The following TMX3 variants were observed in gnomAD, a reference collection of about 807,000 sequenced individuals.
TMX3 encodes the protein protein disulfide-isomerase TMX3.
A neutral mutation model predicts 64.4 loss-of-function variants in TMX3; 40 were observed. The observed-to-expected ratio is 0.62, with a 90% confidence interval of 0.48 to 0.81. The LOEUF (loss-of-function observed/expected upper bound fraction) is 0.81, where lower values mean the gene tolerates loss of function less well. TMX3 is among the 30% of genes least tolerant of loss of function. TMX3 has a pLI of 0.00. For missense variants in TMX3, 497 were observed against 534.5 expected, an observed-to-expected ratio of 0.93 and a Z score of 0.69; for synonymous variants, 189 against 175.7, an observed-to-expected ratio of 1.08 and a Z score of -0.60.
At position 68,691,169 on chromosome 18, in the gene TMX3, TTC is replaced by T. The variant is rs1396884726; in HGVS notation, c.637+124_637+125del. The stretch of plus-strand genomic sequence containing the variant: ...GAAAAAAAACCCAAAACATCAGGCA[TTC>T]AAGTCATGAGAACTGTTATTCTCAT... On this transcript the variant is annotated intron_variant, in intron 9 of 15. Coordinates refer to ENST00000299608, the MANE Select transcript of TMX3 (RefSeq NM_019022.5). 21 of 536,554 alleles carry T rather than the reference TTC, an allele frequency of 3.9e-5. No individual in the cohort carries two copies. The African/African-American group carries it at 3.9e-4, about 10-fold the overall frequency. The allele number at this position is 536,554 out of a possible 1,614,324, so 33.2% of individuals were successfully genotyped here. A position where few individuals can be genotyped will look rare whatever the true frequency, so the allele number is the denominator to read the frequency against.
intron 12 of TMX3, among the ~76,000 whole-genome samples, chr18:68,683,987 G>A (rs1375138243): frequency 6.6e-6 from 1 of 152,074 alleles, no homozygotes; most frequent in Non-Finnish European, 1.5e-5. Flanking sequence ...TATAGTATAT[G>A]TAGCATTCCA....
chr18:68,702,083 G>A (rs1435858295), intron 4 of TMX3, among the ~76,000 whole-genome samples: 2 of 141,350 alleles, frequency 1.4e-5, no homozygotes, highest in African/African-American at 2.8e-5. Context: ...AAGATATACT[G>A]GTAAAAAAAA....
chr18:68,711,316 T>G (rs371649355), intron 3 of TMX3, 48 bp downstream of exon 3: 3 of 1,454,304 alleles, frequency 2.1e-6, no homozygotes, highest in Non-Finnish European at 2.8e-6. Flanking sequence ...AAAATAATAC[T>G]TAAAATGGTA....
chr18:68,700,867 A>G (rs1332720348), intron 5 of TMX3: 1 of 978,692 alleles, frequency 1.0e-6, no homozygotes, highest in Non-Finnish European at 1.2e-6. Flanking sequence ...ATTTTAGAAG[A>G]GGCAAAACAA....
At chr18:68,687,039 T>A in intron 10 of TMX3, 1 of 982,424 alleles carries the variant, frequency 1.0e-6, no homozygotes, top group South Asian at 4.7e-5. Context: ...TATACTTCCA[T>A]CCTACTTATC....
chr18:68,695,852 C>G (rs999878313), intron 8 of TMX3, among the ~76,000 whole-genome samples: 13 of 152,310 alleles, frequency 8.5e-5, no homozygotes, highest in African/African-American at 3.1e-4. Context: ...CAACTTCAAC[C>G]TCATCACATG....
intron 8 of TMX3, among the ~76,000 whole-genome samples, chr18:68,694,520 G>T (rs1332833794): frequency 1.3e-5 from 2 of 152,070 alleles, no homozygotes; most frequent in Non-Finnish European, 2.9e-5. Context: ...TCCATGCCTC[G>T]CTCGTCCTTG....
At chr18:68,702,833 C>A (rs887094925) in intron 4 of TMX3, among the ~76,000 whole-genome samples, 1 of 152,150 alleles carries the variant, frequency 6.6e-6, no homozygotes, top group African/African-American at 2.4e-5. Context: ...TAAGGGCAGT[C>A]GATTTGTGAA....
At position 68,701,801 on chromosome 18, in the gene TMX3, A is replaced by G. The variant is rs144607837; in HGVS notation, c.266-11T>C. 19 of 1,609,100 alleles carry G rather than the reference A, an allele frequency of 1.2e-5. No individual in the cohort carries two copies. The African/African-American group carries it at 2.5e-4, about 22-fold the overall frequency. On this transcript the variant is annotated splice_polypyrimidine_tract_variant and intron_variant, in intron 4 of 15. Transcript: ENST00000299608. ...ACTCTGAAGCAATGCCTTGATAAGA[A>G]AAAGAATAAAGCATTCTAAATTTTT... is the stretch of plus-strand genomic sequence containing the variant.
chr18:68,683,092 T>C, intron 12 of TMX3, 111 bp from the exon 13 acceptor site: 1 of 967,556 alleles, frequency 1.0e-6, no homozygotes, highest in Non-Finnish European at 1.6e-6. Flanking sequence ...GAAGTTAAAT[T>C]CAGGCCTCAG....
rs1280900418 is a variant in TMX3, at chr18:68,676,964, G to A, written c.1334C>T (p.Pro445Leu). 6.2e-7 allele frequency: 1 copy of A among 1,613,254 alleles called. No homozygotes were observed. The highest frequency in any genetic ancestry group is 1.1e-5 in the South Asian group (1 of 91,010). Residue 445 changes from proline (P) to leucine (L), a missense_variant, in exon 16 of 16, where the codon CCC becomes CTC. This residue lies in a region of TMX3 where 94 missense variants were observed against 75.8 expected (regional missense o/e 1.24). Transcript: ENST00000299608. Reference sequence around the variant, plus strand: ...TTTCTTCTTTTCTAATACATCCTTGGGCTCCTGCACTGTAGGCACTACAGA... The same window carrying A: ...TTTCTTCTTTTCTAATACATCCTTGAGCTCCTGCACTGTAGGCACTACAGA... ...GGSVVPTVQE[P>L]KDVLEKKKD is the part of the protein sequence containing the mutation.
At chr18:68,695,117 T>C (rs1030818238) in intron 8 of TMX3, among the ~76,000 whole-genome samples, 3 of 152,182 alleles carry the variant, frequency 2.0e-5, no homozygotes, top group African/African-American at 7.2e-5. Context: ...TCAGTGTCTC[T>C]CAAACACCAA....
intron 8 of TMX3, 67 bp downstream of exon 8, chr18:68,697,154 ATTTAG>A (rs1196730552): frequency 6.3e-6 from 5 of 792,428 alleles, no homozygotes; most frequent in African/African-American, 3.5e-5. Flanking sequence ...TAAAATCACA[ATTTAG>A]TTTATTAAAT....
rs370746164 is a variant in TMX3 at position 68,677,016 on chromosome 18, C to T, written c.1282G>A (p.Glu428Lys). 2 of 1,613,832 alleles carry T rather than the reference C, an allele frequency of 1.2e-6. No individual in the cohort carries two copies. The highest frequency in any genetic ancestry group is 1.1e-5 in the South Asian group (1 of 91,074). The part of the protein sequence containing the change: ...ENQEQIEESK[E>K]QQEPSSGGSV... ...CCTCCACTGCTGGGCTCCTGCTGTT[C>T]TTTGCTCTCTTCTATCTGTTCTTGG... Residue 428 changes from glutamate to lysine, a missense_variant, in exon 16 of 16, where the codon GAA (glutamate) becomes AAA (lysine). Transcript: ENST00000299608.
chr18:68,709,962 T>C (rs2031096665), intron 4 of TMX3, 59 bp downstream of exon 4: 24 of 1,490,358 alleles, frequency 1.6e-5, no homozygotes, highest in Non-Finnish European at 2.1e-5. Flanking sequence ...CTGAATACTG[T>C]TGCATATAAA....
rs540431136 is a variant in TMX3, at chr18:68,711,269, T to G, written c.141+95A>C. 27 of 790,228 alleles carry G rather than the reference T, an allele frequency of 3.4e-5. No homozygotes were observed. The East Asian group carries it at 4.7e-4, about 14-fold the overall frequency. The allele number at this position is 790,228 out of a possible 1,614,324, so 49.0% of individuals were successfully genotyped here. A position where few individuals can be genotyped will look rare whatever the true frequency, so the allele number is the denominator to read the frequency against. Reference sequence around the variant, plus strand: ...ACAAATTGAGTATATACATAAGCACTAGCTGTTTACTGCCATTTTTGGGTA... The same window carrying G: ...ACAAATTGAGTATATACATAAGCACGAGCTGTTTACTGCCATTTTTGGGTA... On this transcript the variant is annotated intron_variant, in intron 3 of 15. Transcript: ENST00000299608.
Position 68,675,781 on chromosome 18 carries a change from T to C in TMX3, c.*1152A>G, listed in dbSNP as rs1199999593. Reference sequence around the variant, plus strand: ...TAGACATTGCTTTGGAAAGAATTCCTGTATTAGTTTATAGAAGATGAGAGG... The same window carrying C: ...TAGACATTGCTTTGGAAAGAATTCCCGTATTAGTTTATAGAAGATGAGAGG... On this transcript the variant is annotated 3_prime_UTR_variant, in exon 16 of 16. Coordinates refer to ENST00000299608, the MANE Select transcript of TMX3 (RefSeq NM_019022.5). 3.9e-5 allele frequency: 6 copies of C among 152,212 alleles called. No homozygotes were observed. Among genetic ancestry groups the C allele is most frequent in the African/African-American group, 1.4e-4 (6 of 41,472 alleles). The allele number at this position is 152,212 out of a possible 1,614,324, so 9.4% of individuals were successfully genotyped here. A position where few individuals can be genotyped will look rare whatever the true frequency, so the allele number is the denominator to read the frequency against.
intron 4 of TMX3, among the ~76,000 whole-genome samples, chr18:68,702,935 C>T (rs905667510): frequency 6.6e-6 from 1 of 152,188 alleles, no homozygotes; most frequent in African/African-American, 2.4e-5. Context: ...GTGGCCGACA[C>T]GTATCTTCCT....
chr18:68,680,714 A>G (rs765344474), intron 14 of TMX3, among the ~76,000 whole-genome samples: 1 of 152,082 alleles, frequency 6.6e-6, no homozygotes, highest in Non-Finnish European at 1.5e-5. Flanking sequence ...GCCCCTCCCC[A>G]TCACCATGAC....
Sources: allele counts gnomAD v4.1 joint callset (sites outside exome capture counted in the v4.1 genomes callset), GRCh38; gene constraint gnomAD v4.1.1; regional missense constraint gnomAD v4.1.1; transcripts MANE v1.5; gene names NCBI Gene and HGNC (gene_info 2026-07-23, HGNC 2026-07-21).